MTOR: variants seen among roughly 807,000 people sequenced by gnomAD.
MTOR encodes serine/threonine-protein kinase mTOR.
Under a neutral mutation model 319.8 loss-of-function variants are expected in MTOR, and 70 were observed. The ratio of observed to expected loss-of-function variants is 0.22; its 90% CI spans 0.18 to 0.27. The LOEUF (loss-of-function observed/expected upper bound fraction) is 0.27, where lower values mean the gene tolerates loss of function less well. Ranked by LOEUF, MTOR falls within the 10% of genes least tolerant of loss-of-function variation. The pLI, the probability that MTOR is intolerant of heterozygous loss-of-function variation, is 1.00. For missense variants in MTOR, 1,890 were observed against 3,274.4 expected (o/e 0.58, Z 10.32); for synonymous variants, 1,183 against 1,211.4 (o/e 0.98, Z 0.49).
intron 1 of MTOR, among the ~76,000 whole-genome samples, chr1:11,262,171 G>A (rs189355710): frequency 7.2e-5 from 11 of 152,306 alleles, no homozygotes; most frequent in Middle Eastern, 3.4e-3. Flanking sequence ...ACAGGCAAAA[G>A]ACCCAAAGGG....
intron 11 of MTOR, among the ~76,000 whole-genome samples, chr1:11,239,705 G>C (rs1647727665): frequency 1.3e-5 from 2 of 152,178 alleles, no homozygotes; most frequent in South Asian, 2.1e-4. Flanking sequence ...AGGAGTTCCA[G>C]ACCAACCTGG....
At chr1:11,250,371 TGA>T (rs956881123) in intron 6 of MTOR, among the ~76,000 whole-genome samples, 4 of 152,210 alleles carry the variant, frequency 2.6e-5, no homozygotes, top group Non-Finnish European at 5.9e-5. Context: ...CCTCAACCAG[TGA>T]GTCTTAAGCT....
chr1:11,161,064 G>A (rs1424673018), intron 29 of MTOR, among the ~76,000 whole-genome samples: 4 of 152,196 alleles, frequency 2.6e-5, no homozygotes, highest in African/African-American at 9.7e-5. Context: ...ATGGCACCTG[G>A]AAAATCGGGT....
intron 28 of MTOR, among the ~76,000 whole-genome samples, chr1:11,174,325 A>T (rs1400892306): frequency 6.6e-6 from 1 of 152,104 alleles, no homozygotes; most frequent in Non-Finnish European, 1.5e-5. Flanking sequence ...TCTCTCTAGA[A>T]CTCATTGTGC....
intron 6 of MTOR, among the ~76,000 whole-genome samples, chr1:11,249,431 A>AT (rs1377926274): frequency 2.9e-5 from 4 of 138,470 alleles, no homozygotes; most frequent in Non-Finnish European, 6.1e-5. Context: ...TTATTTATTT[A>AT]TTTTTTATTG....
At chr1:11,108,416 T>C (rs1431990009) in intron 56 of MTOR, 130 bp from the exon 57 acceptor site, 1 of 775,166 alleles carries the variant, frequency 1.3e-6, no homozygotes, top group Non-Finnish European at 2.1e-6. Flanking sequence ...CCATCATAGT[T>C]GGATTTGAAA....
intron 52 of MTOR, 99 bp downstream of exon 52, chr1:11,114,714 G>T (rs543098295): frequency 1.6e-6 from 2 of 1,254,650 alleles, no homozygotes; most frequent in Admixed American, 4.1e-5. Flanking sequence ...AATCACAAAG[G>T]CACTTTGGAG....
intron 28 of MTOR, among the ~76,000 whole-genome samples, chr1:11,167,998 A>G (rs1382811599): frequency 6.6e-6 from 1 of 151,546 alleles, no homozygotes; most frequent in East Asian, 2.0e-4. Context: ...TGAACCTGGG[A>G]GGCAGAGCTT....
chr1:11,208,744 A>G (rs541074411), intron 25 of MTOR, among the ~76,000 whole-genome samples: 1 of 152,346 alleles, frequency 6.6e-6, no homozygotes, highest in East Asian at 1.9e-4. Context: ...AAAGCTGGTC[A>G]TATCTTAGGC....
Position 11,126,569 on chromosome 1 carries a change from T to TC in MTOR, c.6526+52dup, listed in dbSNP as rs1642850521. On this transcript the variant is annotated intron_variant, in intron 46 of 57. Transcript: ENST00000361445. ...GTAATTTCAGAAGAGGGAAGGGGTC[T>TC]CAGCCAGTGTAGGAGGGAGAAGTGG... 2.5e-6 allele frequency: 4 copies of TC among 1,575,774 alleles called. No homozygotes were observed. In the Admixed American group the frequency reaches 6.9e-5, roughly 27 times the overall value.
chr1:11,213,957 T>G (rs1021722772), intron 20 of MTOR, among the ~76,000 whole-genome samples: 2 of 152,242 alleles, frequency 1.3e-5, no homozygotes, highest in Non-Finnish European at 2.9e-5. Context: ...TTGATAGCGA[T>G]AGCAGTTGTA....
chr1:11,234,074 C>T, intron 14 of MTOR, 69 bp downstream of exon 14: 2 of 1,608,670 alleles, frequency 1.2e-6, no homozygotes, highest in Non-Finnish European at 1.7e-6. Flanking sequence ...AACACTGAAA[C>T]ACTCCCATCT....
intron 3 of MTOR, 118 bp downstream of exon 3, chr1:11,258,367 C>T (rs529994028): frequency 9.7e-6 from 7 of 719,362 alleles, no homozygotes; most frequent in African/African-American, 3.5e-5. Flanking sequence ...TTAAAAGCCA[C>T]GGGCTTCTTA....
chr1:11,262,076 G>A (rs577731751), intron 1 of MTOR, among the ~76,000 whole-genome samples: 4 of 152,284 alleles, frequency 2.6e-5, no homozygotes, highest in African/African-American at 9.6e-5. Flanking sequence ...CACAGTGGAG[G>A]ACAAGGGGCT....
At chr1:11,149,427 G>C (rs1320215762) in intron 31 of MTOR, 1 of 152,136 alleles carries the variant, frequency 6.6e-6, no homozygotes, top group Middle Eastern at 3.2e-3. Flanking sequence ...GGAGGGTGAA[G>C]GTAAACCCCA....
At chr1:11,189,947 C>G in intron 28 of MTOR, 1 of 1,608,396 alleles carries the variant, frequency 6.2e-7, no homozygotes. Flanking sequence ...GTCACTCAGA[C>G]CTCCGCAGGT....
At chr1:11,190,096 T>A in intron 28 of MTOR, 1 of 981,198 alleles carries the variant, frequency 1.0e-6, no homozygotes, top group Non-Finnish European at 1.5e-6. Flanking sequence ...ATGCAGTATT[T>A]CCTTTGACTT....
intron 29 of MTOR, among the ~76,000 whole-genome samples, 197 bp downstream of exon 29, chr1:11,167,245 T>TA (rs543578984): frequency 4.0e-4 from 56 of 141,416 alleles, no homozygotes; most frequent in South Asian, 2.7e-3. Context: ...AAAGTATAAT[T>TA]AAAAAAAAAA....
Position 11,257,878 on chromosome 1 carries a change from G to T in MTOR, c.271+607C>A, listed in dbSNP as rs914107592. 2.3e-4 allele frequency among the ~76,000 whole-genome samples: 35 copies of T among 152,216 alleles called. No individual in the cohort carries two copies. In the East Asian group the frequency reaches 5.4e-3, roughly 24 times the overall value. ...TAATCCCAGCACTCTGGGAGGCTGA[G>T]GTGGGCAGATCACTTGAGGTCAGGA... On this transcript the variant is annotated intron_variant, in intron 3 of 57. Coordinates refer to ENST00000361445, the MANE Select transcript of MTOR (RefSeq NM_004958.4).
Sources: allele counts gnomAD v4.1 joint callset (sites outside exome capture counted in the v4.1 genomes callset), GRCh38; gene constraint gnomAD v4.1.1; transcripts MANE v1.5; gene names NCBI Gene and HGNC (gene_info 2026-07-23, HGNC 2026-07-21).